The following VAT1 variants were observed in gnomAD, a reference collection of about 807,000 sequenced individuals.
The protein encoded by VAT1 is vesicle amine transport 1.
A neutral mutation model predicts 33.3 loss-of-function variants in VAT1; 24 were observed. That is an observed-to-expected ratio of 0.72 (90% confidence interval 0.52 to 1.01). The LOEUF (loss-of-function observed/expected upper bound fraction) is 1.01. Ranked by LOEUF, VAT1 falls within the 50% of genes least tolerant of loss-of-function variation. The pLI is 0.00. For synonymous variants in VAT1, 212 were observed against 225.0 expected, an observed-to-expected ratio of 0.94 and a Z score of 0.52; for missense variants, 436 against 533.7, an observed-to-expected ratio of 0.82 and a Z score of 1.80.
In VAT1 at chr17:43,016,027, T is replaced by A; in HGVS notation, c.*34A>T. 1 of 1,610,616 alleles carries A rather than the reference T, an allele frequency of 6.2e-7. No homozygotes were observed. The highest frequency in any genetic ancestry group is 8.5e-7 in the Non-Finnish European group (1 of 1,177,584). On this transcript the variant is annotated 3_prime_UTR_variant, in exon 6 of 6. Transcript: ENST00000355653. ...AGAACGTAGCTTCCCAACTTCTCCC[T>A]TCGCTGGTCTCTAGGGTCTCACAGC...
intron 1 of VAT1, chr17:43,019,388 T>C (rs1210241122): frequency 6.6e-6 from 1 of 152,436 alleles, no homozygotes; most frequent in African/African-American, 2.4e-5. Context: ...ATAATAATAA[T>C]AATATAATAG....
At chr17:43,020,412 G>T (rs978943795) in intron 1 of VAT1, 1 of 490,374 alleles carries the variant, frequency 2.0e-6, no homozygotes, top group Non-Finnish European at 2.6e-6. Context: ...TCAAGAGTGG[G>T]ATCATTTAGA....
chr17:43,016,700 C>G, intron 4 of VAT1, 152 bp from the exon 5 acceptor site: 1 of 1,217,228 alleles, frequency 8.2e-7, no homozygotes, highest in South Asian at 1.5e-5. Context: ...GTTACCAGGC[C>G]CAAACCAACC....
At position 43,017,079 on chromosome 17, in the gene VAT1, C is replaced by T. The variant is rs371424962; in HGVS notation, c.857-531G>A. 5.4e-4 allele frequency among the ~76,000 whole-genome samples: 8 copies of T among 14,864 alleles called. 4 individuals are homozygous for T. The allele number at this position is 14,864 out of a possible 152,430, so 9.8% of individuals were successfully genotyped here. A position where few individuals can be genotyped will look rare whatever the true frequency, so the allele number is the denominator to read the frequency against. On this transcript the variant is annotated intron_variant, in intron 4 of 5. Coordinates refer to ENST00000355653, the MANE Select transcript of VAT1 (RefSeq NM_006373.4). ...CTCAGGAAGTCTGAGGCAGGAGAAT[C>T]GCTTGAACCCGGGAGGCGGGTTCTA...
At position 43,022,219 on chromosome 17, in the gene VAT1, G is replaced by T; in HGVS notation, c.104C>A (p.Ser35Tyr). 2 of 1,567,564 alleles carry T rather than the reference G, an allele frequency of 1.3e-6. No homozygotes were observed. Among genetic ancestry groups the T allele is most frequent in the Non-Finnish European group, 8.6e-7 (1 of 1,156,898 alleles). Residue 35 changes from serine (S) to tyrosine (Y), a missense_variant, in exon 1 of 6, where the codon TCC (serine) becomes TAC (tyrosine). Physicochemically the swap from Ser to Tyr is moderately radical, Grantham distance 144. Around this residue, in one of 2 missense-constraint regions of VAT1, gnomAD observed 154 missense variants for 128.3 expected, o/e 1.20. Coordinates refer to ENST00000355653, the MANE Select transcript of VAT1 (RefSeq NM_006373.4). Reference sequence around the variant, plus strand: ...GGCGGCGGCGGCGGCGGCCCCTTCGGAGGCCGCGGGATGCTGGGGGTCGCT... The same window carrying T: ...GGCGGCGGCGGCGGCGGCCCCTTCGTAGGCCGCGGGATGCTGGGGGTCGCT... Reference protein sequence around the residue: ...AASDPQHPAASEGAAAAAASP... With the variant: ...AASDPQHPAAYEGAAAAAASP...
chr17:43,018,255 C>T, intron 2 of VAT1, 49 bp from the exon 3 acceptor site: 1 of 1,571,172 alleles, frequency 6.4e-7, no homozygotes, highest in Non-Finnish European at 8.7e-7. Context: ...CCCTGGCCAC[C>T]AACCACTCCA....
At chr17:43,021,904 C>G (rs1247586517) in intron 1 of VAT1, 32 bp downstream of exon 1, 2 of 1,607,902 alleles carry the variant, frequency 1.2e-6, no homozygotes, top group East Asian at 2.2e-5. Flanking sequence ...GTGGCCTGCG[C>G]AGCCCTGCCC....
At chr17:43,019,760 G>A (rs192525430) in intron 1 of VAT1, among the ~76,000 whole-genome samples, 7 of 152,272 alleles carry the variant, frequency 4.6e-5, no homozygotes, top group Admixed American at 2.0e-4. Context: ...ACTTCTCTGC[G>A]CTCTCTGAAG....
At position 43,018,181 on chromosome 17, in the gene VAT1, C is replaced by T. The variant is rs775973112; in HGVS notation, c.621G>A (p.Gln207=). The change falls in exon 3 of 6, where the codon CAG becomes CAA. Residue 207 remains glutamine (Q), a synonymous_variant. Coordinates refer to ENST00000355653, the MANE Select transcript of VAT1 (RefSeq NM_006373.4). Reference sequence around the variant, plus strand: ...TCACATTCTCCACTGTACGGCACAGCTGCACGGCAGCCATACCCACACCCC... The same window carrying T: ...TCACATTCTCCACTGTACGGCACAGTTGCACGGCAGCCATACCCACACCCC... ...AAGGVGMAAV[Q]LCRTVENVTV... 6.2e-7 allele frequency: 1 copy of T among 1,611,924 alleles called. No individual in the cohort carries two copies. Among genetic ancestry groups the T allele is most frequent in the South Asian group, 1.1e-5 (1 of 91,008 alleles).
chr17:43,016,855 T>A (rs760228533), intron 4 of VAT1, among the ~76,000 whole-genome samples: 2 of 151,370 alleles, frequency 1.3e-5, no homozygotes, highest in African/African-American at 2.4e-5. Flanking sequence ...TTGTCTCTAC[T>A]AAAAAATACG....
At chr17:43,016,664 G>A in intron 4 of VAT1, 116 bp from the exon 5 acceptor site, 1 of 1,442,760 alleles carries the variant, frequency 6.9e-7, no homozygotes, top group Non-Finnish European at 9.3e-7. Flanking sequence ...GTGCCAGGGA[G>A]TGATTGGATA....
At chr17:43,020,673 T>A (rs1286989690) in intron 1 of VAT1, among the ~76,000 whole-genome samples, 2 of 151,146 alleles carry the variant, frequency 1.3e-5, no homozygotes, top group African/African-American at 4.9e-5. Flanking sequence ...AGGTCGGGAG[T>A]TCGAGACCAG....
At position 43,018,944 on chromosome 17, in the gene VAT1, A is replaced by T. The variant is rs200720106; in HGVS notation, c.388-145T>A. On this transcript the variant is annotated intron_variant, in intron 1 of 5. Coordinates refer to ENST00000355653, the MANE Select transcript of VAT1 (RefSeq NM_006373.4). ...AGTCATGGTAATAATAATAATAATA[A>T]CATCATCATCAACAACAATAACAAC... is the stretch of plus-strand genomic sequence containing the variant. 1.4e-5 allele frequency: 10 copies of T among 694,088 alleles called. No homozygotes were observed. In the African/African-American group the frequency reaches 1.7e-4, roughly 12 times the overall value. 43.0% of individuals were successfully genotyped at this position (694,088 alleles called of 1,614,324 possible).
rs1265058419 is a variant in VAT1 at position 43,022,381 on chromosome 17, G to A, written c.-59C>T. The A allele has an allele frequency of 1.1e-5, 16 of 1,451,328 alleles. No homozygotes were observed. Among genetic ancestry groups the A allele is most frequent in the African/African-American group, 3.0e-5 (2 of 67,218 alleles). 89.9% of individuals were successfully genotyped at this position (1,451,328 alleles called of 1,614,324 possible). On this transcript the variant is annotated 5_prime_UTR_variant, in exon 1 of 6. Transcript: ENST00000355653. ...TGGAGAGTGCACAGCTGGGGAAGGC[G>A]GAACGCGTCGGGAAGAGCCGCGGCT...
rs770454848 is a variant in VAT1, at chr17:43,022,013, G to C, written c.310C>G (p.Pro104Ala). The change falls in exon 1 of 6, where the codon CCG (proline) becomes GCG (alanine). Residue 104 changes from proline to alanine, a missense_variant. Transcript: ENST00000355653. ...ATGCCCGGAGTGACAGGCAGAGGCG[G>C]GAGACGGTCGTACAGCCCCTGCCTA... ...MARQGLYDRL[P>A]PLPVTPGMEG... The C allele has an allele frequency of 6.2e-7, 1 of 1,608,346 alleles. No homozygotes were observed. The highest frequency in any genetic ancestry group is 1.1e-5 in the South Asian group (1 of 90,632).
chr17:43,016,655 T>G, intron 4 of VAT1, 107 bp from the exon 5 acceptor site: 3 of 1,469,394 alleles, frequency 2.0e-6, no homozygotes, highest in Non-Finnish European at 2.8e-6. Flanking sequence ...TCCACACCAG[T>G]GCCAGGGAGT....
At chr17:43,018,963 T>A in intron 1 of VAT1, 164 bp from the exon 2 acceptor site, 1 of 727,066 alleles carries the variant, frequency 1.4e-6, no homozygotes, top group Non-Finnish European at 2.2e-6. Flanking sequence ...TCAACAACAA[T>A]AACAACTCAC....
At chr17:43,017,955 G>GAAC (rs747227226) in intron 3 of VAT1, 25 bp from the exon 4 acceptor site, 36 of 1,613,774 alleles carry the variant, frequency 2.2e-5, no homozygotes, top group Non-Finnish European at 3.1e-5. Flanking sequence ...GGGAACCCAA[G>GAAC]AACAACATTA....
chr17:43,020,017 G>T, intron 1 of VAT1: 2 of 817,452 alleles, frequency 2.4e-6, no homozygotes, highest in Non-Finnish European at 3.0e-6. Flanking sequence ...GAACAAGAAC[G>T]GAAGCCCTCC....
Sources: allele counts gnomAD v4.1 joint callset (sites outside exome capture counted in the v4.1 genomes callset), GRCh38; gene constraint gnomAD v4.1.1; regional missense constraint gnomAD v4.1.1; transcripts MANE v1.5; gene names NCBI Gene and HGNC (gene_info 2026-07-23, HGNC 2026-07-21).